PEX14: variants seen among roughly 807,000 people sequenced by gnomAD.
PEX14 encodes the protein peroxisomal biogenesis factor 14, also known as peroxisomal membrane protein PEX14.
Under a neutral mutation model 49.5 loss-of-function variants are expected in PEX14, and 15 were observed. That is an observed-to-expected ratio of 0.30 (90% CI 0.20 to 0.47). PEX14 has a LOEUF of 0.47. PEX14 is among the 20% of genes least tolerant of loss of function. PEX14 has a pLI of 1.00. For synonymous variants in PEX14, 210 were observed against 212.7 expected (o/e 0.99, Z 0.11); for missense variants, 398 against 494.8 (o/e 0.80, Z 1.86).
rs142259884 is a variant in PEX14, at chr1:10,505,982, G to A, written c.84+10661G>A. Among the ~76,000 whole-genome samples the A allele has an allele frequency of 2.0e-3, 305 of 152,162 alleles. 2 individuals carry two copies. The highest frequency in any genetic ancestry group is 6.9e-3 in the African/African-American group (286 of 41,512). The stretch of plus-strand genomic sequence containing the variant: ...AGGCTTATGTGTACTTTTGAGAGTC[G>A]TTTAGAGTCTTTTGTGAAATGAAGC... On this transcript the variant is annotated intron_variant, in intron 2 of 8. Coordinates refer to ENST00000356607, the MANE Select transcript of PEX14 (RefSeq NM_004565.3).
At chr1:10,591,738 T>C (rs906810921) in intron 3 of PEX14, among the ~76,000 whole-genome samples, 1 of 151,996 alleles carries the variant, frequency 6.6e-6, no homozygotes, top group African/African-American at 2.4e-5. Flanking sequence ...TTTGGCTTTC[T>C]TCTTTCGGGG....
intron 8 of PEX14, 124 bp downstream of exon 8, chr1:10,627,487 C>T: frequency 1.4e-6 from 1 of 729,212 alleles, no homozygotes; most frequent in East Asian, 2.6e-5. Flanking sequence ...CTGGGCGACT[C>T]AGGCACTGAG....
intron 3 of PEX14, among the ~76,000 whole-genome samples, chr1:10,575,898 G>A (rs2124558686): frequency 6.6e-6 from 1 of 152,252 alleles, no homozygotes; most frequent in Middle Eastern, 3.4e-3. Context: ...GGGGATGAGA[G>A]TACCTGTCTC....
rs34964492 is a variant in PEX14 at position 10,560,718 on chromosome 1, C to CTTTTTTTTTT, written c.169+24429_169+24438dup. ...TTCTTAGTTGTTAACATTTTGCCAC[C>CTTTTTTTTTT]TTTTTTTTTTTTTTTTTGAGACGGA... On this transcript the variant is annotated intron_variant, in intron 3 of 8. Coordinates refer to ENST00000356607, the MANE Select transcript of PEX14 (RefSeq NM_004565.3). 1.5e-5 allele frequency among the ~76,000 whole-genome samples: 2 copies of CTTTTTTTTTT among 129,092 alleles called. 1 individual carries two copies. Among genetic ancestry groups the CTTTTTTTTTT allele is most frequent in the Non-Finnish European group, 3.2e-5 (2 of 62,638 alleles). The allele number at this position is 129,092 out of a possible 152,430, so 84.7% of individuals were successfully genotyped here. A position where few individuals can be genotyped will look rare whatever the true frequency, so the allele number is the denominator to read the frequency against.
At position 10,497,656 on chromosome 1, in the gene PEX14, G is replaced by A. The variant is rs183896259; in HGVS notation, c.84+2335G>A. Among the ~76,000 whole-genome samples, 465 of 152,302 alleles carry A rather than the reference G, an allele frequency of 3.1e-3. 2 individuals are homozygous for A. The highest frequency in any genetic ancestry group is 0.01 in the African/African-American group (434 of 41,550). ...GCTGCCTGGTTGGGCGTAGAAGAGA[G>A]CCCCAAGTTATTCAGAGCAGGAAGA... is the stretch of plus-strand genomic sequence containing the variant. On this transcript the variant is annotated intron_variant, in intron 2 of 8. Coordinates refer to ENST00000356607, the MANE Select transcript of PEX14 (RefSeq NM_004565.3).
intron 7 of PEX14, among the ~76,000 whole-genome samples, chr1:10,626,219 G>T (rs1012320188): frequency 6.6e-6 from 1 of 152,220 alleles, no homozygotes; most frequent in Non-Finnish European, 1.5e-5. Flanking sequence ...CACCATATGC[G>T]TTTGGAAATC....
In PEX14 at chr1:10,539,686, C is replaced by G. The variant is rs769312464; in HGVS notation, c.169+3389C>G. On this transcript the variant is annotated intron_variant, in intron 3 of 8. Transcript: ENST00000356607. This position sits in a 1 kb window ranked among gnomAD's most constrained non-coding sequence, Gnocchi z 4.6. ...CCAGGAGGTTAGAGTAACGTAAAAA[C>G]AGCAATAGAATCAGTCCAGAAAGTT... Among the ~76,000 whole-genome samples, 4 of 152,104 alleles carry G rather than the reference C, an allele frequency of 2.6e-5. No homozygotes were observed. The highest frequency in any genetic ancestry group is 4.4e-5 in the Non-Finnish European group (3 of 68,038).
intron 7 of PEX14, among the ~76,000 whole-genome samples, chr1:10,626,569 G>T (rs1156298606): frequency 1.3e-5 from 2 of 152,262 alleles, no homozygotes; most frequent in African/African-American, 4.8e-5. Context: ...CAGCACACTG[G>T]TAGGGAACAG....
intron 2 of PEX14, among the ~76,000 whole-genome samples, chr1:10,534,149 G>A (rs1211940971): frequency 6.6e-6 from 1 of 152,160 alleles, no homozygotes; most frequent in African/African-American, 2.4e-5. Context: ...CTGACACCTG[G>A]TACACGTGTC....
intron 3 of PEX14, among the ~76,000 whole-genome samples, chr1:10,561,195 CA>C (rs1639643436): frequency 6.6e-6 from 1 of 152,192 alleles, no homozygotes; most frequent in African/African-American, 2.4e-5. Context: ...CATGTTACCA[CA>C]TAGAAGAAAA....
chr1:10,490,590 T>C (rs556457452), intron 1 of PEX14, among the ~76,000 whole-genome samples: 12 of 152,266 alleles, frequency 7.9e-5, no homozygotes, highest in Middle Eastern at 3.4e-3. Flanking sequence ...TGCTTTTGCT[T>C]TCTTCTCTTC....
intron 3 of PEX14, among the ~76,000 whole-genome samples, chr1:10,556,442 T>C (rs1557842922): frequency 6.6e-6 from 1 of 152,142 alleles, no homozygotes; most frequent in Non-Finnish European, 1.5e-5. Context: ...TTTGTCGGTC[T>C]CTGTGCAGGG....
chr1:10,610,642 C>T (rs764223489), intron 4 of PEX14, among the ~76,000 whole-genome samples: 8 of 151,984 alleles, frequency 5.3e-5, no homozygotes, highest in South Asian at 2.1e-4. Context: ...TGCGCTACCA[C>T]GCCTGGATAA....
intron 4 of PEX14, among the ~76,000 whole-genome samples, chr1:10,614,174 C>A (rs1641347745): frequency 6.6e-6 from 1 of 152,200 alleles, no homozygotes; most frequent in Admixed American, 6.5e-5. Flanking sequence ...CCTCTGAGAG[C>A]CACACAGCGG....
rs34410254 is a variant in PEX14, at chr1:10,537,341, A to ACCCCCCCCCCCCCCCCCCCC, written c.169+1056_169+1057insCCCCCCCCCCCCCCCCCCCC. 2.5e-4 allele frequency among the ~76,000 whole-genome samples: 7 copies of ACCCCCCCCCCCCCCCCCCCC among 28,450 alleles called. 2 individuals carry two copies. Among genetic ancestry groups the ACCCCCCCCCCCCCCCCCCCC allele is most frequent in the East Asian group, 2.9e-3 (2 of 678 alleles). The allele number at this position is 28,450 out of a possible 152,430, so 18.7% of individuals were successfully genotyped here. A position where few individuals can be genotyped will look rare whatever the true frequency, so the allele number is the denominator to read the frequency against. ...TGCTCACTGGCTGCATTGTGCCAGCACCCCCCCCCCCCGCCATCATTAGGA... is the reference window on the plus strand; with the variant it reads ...TGCTCACTGGCTGCATTGTGCCAGCACCCCCCCCCCCCCCCCCCCCCCCCCCCCCCCCGCCATCATTAGGA... On this transcript the variant is annotated intron_variant, in intron 3 of 8. Coordinates refer to ENST00000356607, the MANE Select transcript of PEX14 (RefSeq NM_004565.3).
chr1:10,500,688 C>T (rs889395783), intron 2 of PEX14, among the ~76,000 whole-genome samples: 1 of 152,152 alleles, frequency 6.6e-6, no homozygotes, highest in African/African-American at 2.4e-5. Context: ...GACTCTCTTG[C>T]CTTAGTCTCC....
At chr1:10,602,795 A>G (rs1174256768) in intron 4 of PEX14, among the ~76,000 whole-genome samples, 1 of 152,344 alleles carries the variant, frequency 6.6e-6, no homozygotes, top group Non-Finnish European at 1.5e-5. Context: ...CACAATCTGC[A>G]TGCTTATCAC....
At chr1:10,541,319 A>G (rs1557834992) in intron 3 of PEX14, among the ~76,000 whole-genome samples, 1 of 152,158 alleles carries the variant, frequency 6.6e-6, no homozygotes, top group East Asian at 1.9e-4. Flanking sequence ...GAGAGCTACC[A>G]GGGGAGACAA....
intron 2 of PEX14, among the ~76,000 whole-genome samples, chr1:10,526,293 G>T (rs187380828): frequency 1.3e-5 from 2 of 149,108 alleles, no homozygotes; most frequent in Non-Finnish European, 3.0e-5. Flanking sequence ...GTGATAGCTC[G>T]CTGCAGCCTC....
Sources: allele counts gnomAD v4.1 joint callset (sites outside exome capture counted in the v4.1 genomes callset), GRCh38; gene constraint gnomAD v4.1.1; non-coding constraint Gnocchi (gnomAD v3.1); transcripts MANE v1.5; gene names NCBI Gene and HGNC (gene_info 2026-07-23, HGNC 2026-07-21).